The following OXGR1 variants were observed in gnomAD, a reference collection of about 807,000 sequenced individuals.
OXGR1 encodes the protein 2-oxoglutarate receptor 1.
A neutral mutation model predicts 10.0 loss-of-function variants in OXGR1; 10 were observed. That is an observed-to-expected ratio of 1.00 (90% CI 0.62 to 1.70). OXGR1 has a LOEUF of 1.70. Among genes scored for constraint, OXGR1 ranks in the 40% most tolerant of loss-of-function variants. OXGR1 has a pLI of 0.00. For synonymous variants in OXGR1, 191 were observed against 155.9 expected (o/e 1.22, Z -1.68); for missense variants, 398 against 407.6 (o/e 0.98, Z 0.20).
At chr13:96,993,984 T>TG (rs1882189829) in intron 1 of OXGR1, among the ~76,000 whole-genome samples, 1 of 152,032 alleles carries the variant, frequency 6.6e-6, no homozygotes, top group Non-Finnish European at 1.5e-5. Flanking sequence ...CACTTGGGTG[T>TG]GAAAAAAAGT....
rs757387749 is a variant in OXGR1, at chr13:96,987,273, C to A, written c.487G>T (p.Val163Leu). 1.1e-5 allele frequency: 17 copies of A among 1,613,290 alleles called. No homozygotes were observed. The highest frequency in any genetic ancestry group is 1.7e-5 in the Admixed American group (1 of 60,004). The change falls in exon 4 of 4, where the codon GTA (valine) becomes TTA (leucine). Residue 163 changes from valine to leucine, a missense_variant. Physicochemically the swap from Val to Leu is conservative, Grantham distance 32 (BLOSUM62 1). Transcript: ENST00000541038. Reference protein sequence around the residue: ...ACAVVWIISLVAVIPMTFLIT... With the variant: ...ACAVVWIISLLAVIPMTFLIT... ...AAGAAGGTCATCGGAATGACAGCTA[C>A]CAGTGAAATGATCCACACCACAGCA...
intron 3 of OXGR1, among the ~76,000 whole-genome samples, chr13:96,988,063 T>A (rs1366542406): frequency 6.6e-6 from 1 of 152,020 alleles, no homozygotes; most frequent in African/African-American, 2.4e-5. Context: ...AAATGAGGGA[T>A]TGGGAGAAAA....
intron 1 of OXGR1, among the ~76,000 whole-genome samples, chr13:96,994,006 T>A (rs1449357228): frequency 1.3e-5 from 2 of 152,034 alleles, no homozygotes; most frequent in Non-Finnish European, 2.9e-5. Context: ...TGAGATGAAA[T>A]CAGAGATCCC....
chr13:96,988,408 T>G (rs1881891924), intron 3 of OXGR1, among the ~76,000 whole-genome samples: 1 of 152,224 alleles, frequency 6.6e-6, no homozygotes, highest in Admixed American at 6.5e-5. Context: ...TTGTTGATTT[T>G]CGTCATGATT....
chr13:96,986,818 G>T lies in OXGR1; in HGVS notation c.942C>A (p.Cys314Ter). The T allele has an allele frequency of 6.2e-7, 1 of 1,614,130 alleles. No individual in the cohort carries two copies. The highest frequency in any genetic ancestry group is 8.5e-7 in the Non-Finnish European group (1 of 1,180,022). ...VVSDNFQQAV[C>*]STVRCKVSGN... The stretch of plus-strand genomic sequence containing the variant: ...CGCTTACTTTGCATCTCACTGTTGA[G>T]CAGACAGCCTGCTGAAAGTTGTCGC... The change falls in exon 4 of 4, where the codon TGC (cysteine) becomes TGA (stop). Residue 314 changes from cysteine to a stop codon, truncating the protein, a stop_gained. Coordinates refer to ENST00000541038, the MANE Select transcript of OXGR1 (RefSeq NM_001346194.2). LOFTEE classifies it low-confidence loss of function (END_TRUNC).
intron 2 of OXGR1, among the ~76,000 whole-genome samples, 181 bp from the exon 3 acceptor site, chr13:96,989,990 G>T (rs575298385): frequency 6.6e-6 from 1 of 152,224 alleles, no homozygotes; most frequent in African/African-American, 2.4e-5. Context: ...AAATGGTATG[G>T]TATTTACACT....
intron 1 of OXGR1, 131 bp from the exon 2 acceptor site, chr13:96,992,703 C>CT: frequency 6.6e-6 from 1 of 152,230 alleles, no homozygotes; most frequent in Admixed American, 6.5e-5. Flanking sequence ...TGTGATTTTC[C>CT]TAAGGTGCCT....
intron 2 of OXGR1, among the ~76,000 whole-genome samples, chr13:96,991,133 T>A (rs1882036841): frequency 6.6e-6 from 1 of 152,148 alleles, no homozygotes; most frequent in South Asian, 2.1e-4. Context: ...AAACAATAGT[T>A]CAATTCAGAT....
intron 2 of OXGR1, 60 bp downstream of exon 2, chr13:96,992,362 T>C (rs1005496796): frequency 6.6e-6 from 1 of 152,196 alleles, no homozygotes; most frequent in African/African-American, 2.4e-5. Flanking sequence ...CATAATTATA[T>C]ATACCTGCTA....
chr13:96,990,789 CA>C (rs552143415), intron 2 of OXGR1, among the ~76,000 whole-genome samples: 1 of 149,122 alleles, frequency 6.7e-6, no homozygotes, highest in Non-Finnish European at 1.5e-5. Flanking sequence ...ATTAAAAATA[CA>C]AAAAAAAACG....
upstream of OXGR1, chr13:96,994,712 T>C (rs1414859874): frequency 1.3e-5 from 2 of 152,272 alleles, no homozygotes; most frequent in Admixed American, 1.3e-4. Flanking sequence ...TTTTTTCTTT[T>C]GAGAAGGAGT....
chr13:96,988,431 G>A (rs751689212), intron 3 of OXGR1, among the ~76,000 whole-genome samples: 6 of 152,138 alleles, frequency 3.9e-5, no homozygotes, highest in Non-Finnish European at 8.8e-5. Flanking sequence ...CGTAAATAAC[G>A]GAGGGAACAA....
chr13:96,992,984 T>G (rs1465189309), intron 1 of OXGR1, among the ~76,000 whole-genome samples: 2 of 152,206 alleles, frequency 1.3e-5, no homozygotes, highest in African/African-American at 4.8e-5. Context: ...AAAAGAAACT[T>G]AAGTAGACCT....
chr13:96,989,267 T>C (rs574766453), intron 3 of OXGR1, among the ~76,000 whole-genome samples: 1 of 152,296 alleles, frequency 6.6e-6, no homozygotes, highest in African/African-American at 2.4e-5. Flanking sequence ...CAGCATTTCC[T>C]GAGAGGAGTA....
Position 96,986,907 on chromosome 13 carries a change from T to C in OXGR1, c.853A>G (p.Ile285Val), listed in dbSNP as rs1390913790. ...SIENQIHEAY[I>V]VSRPLAALNT... Reference sequence around the variant, plus strand: ...AGAGCAGCTAATGGTCTAGAAACGATGTAAGCTTCATGGATCTGATTCTCA... The same window carrying C: ...AGAGCAGCTAATGGTCTAGAAACGACGTAAGCTTCATGGATCTGATTCTCA... The change falls in exon 4 of 4, where the codon ATC becomes GTC. Residue 285 changes from isoleucine to valine, a missense_variant. Coordinates refer to ENST00000541038, the MANE Select transcript of OXGR1 (RefSeq NM_001346194.2). The C allele has an allele frequency of 1.2e-6, 2 of 1,614,204 alleles. No individual in the cohort carries two copies. Among genetic ancestry groups the C allele is most frequent in the East Asian group, 2.2e-5 (1 of 44,890 alleles).
At position 96,987,040 on chromosome 13, in the gene OXGR1, T is replaced by C. The variant is rs1566288777; in HGVS notation, c.720A>G (p.Arg240=). ...CAAGGAGTAGCAGAATGGTTAGCCT[T>C]CGTGCTTTCTGCTTAAGGCAGCTGT... ...QTDSCLKQKA[R]RLTILLLLAF... is the part of the protein sequence containing the mutation. The change falls in exon 4 of 4, where the codon CGA becomes CGG. Residue 240 remains arginine, a synonymous_variant. Transcript: ENST00000541038. 1.2e-6 allele frequency: 2 copies of C among 1,614,212 alleles called. No homozygotes were observed. The highest frequency in any genetic ancestry group is 1.7e-6 in the Non-Finnish European group (2 of 1,180,030).
intron 3 of OXGR1, 61 bp downstream of exon 3, chr13:96,989,697 A>G (rs1881955699): frequency 6.6e-6 from 1 of 152,238 alleles, no homozygotes. Flanking sequence ...GCATCTCACA[A>G]TGAGTAGGCA....
intron 3 of OXGR1, among the ~76,000 whole-genome samples, chr13:96,989,315 C>T (rs1014670838): frequency 6.6e-6 from 1 of 152,142 alleles, no homozygotes; most frequent in African/African-American, 2.4e-5. Context: ...TTGACAAATC[C>T]TAAATTAGCA....
chr13:96,991,725 C>A (rs1351958967), intron 2 of OXGR1, among the ~76,000 whole-genome samples: 1 of 152,158 alleles, frequency 6.6e-6, no homozygotes, highest in Admixed American at 6.5e-5. Flanking sequence ...ATTTCCACTG[C>A]TGAGTATATA....
Sources: gnomAD v4.1 joint callset for allele counts (sites outside exome capture counted in the v4.1 genomes callset) on GRCh38, gnomAD v4.1.1 for gene constraint, MANE v1.5 for transcripts, NCBI Gene and HGNC (gene_info 2026-07-23, HGNC 2026-07-21) for gene names.